The following ZC2HC1B variants were observed in gnomAD, a reference collection of about 807,000 sequenced individuals.
ZC2HC1B encodes zinc finger C2HC domain-containing protein 1B.
Under a neutral mutation model 31.0 loss-of-function variants are expected in ZC2HC1B, and 36 were observed. The ratio of observed to expected loss-of-function variants is 1.16; its 90% CI spans 0.89 to 1.54. The LOEUF (loss-of-function observed/expected upper bound fraction) is 1.54, where lower values mean the gene tolerates loss of function less well. ZC2HC1B is among the 40% of genes most tolerant of loss of function. The probability of loss-of-function intolerance (pLI) is 0.00; values close to 1 mark genes in which losing one functional copy is unlikely to be tolerated. For synonymous variants in ZC2HC1B, 73 were observed against 88.0 expected, an observed-to-expected ratio of 0.83 and a Z score of 0.95; for missense variants, 260 against 268.6, an observed-to-expected ratio of 0.97 and a Z score of 0.22.
chr6:143,930,450 G>A (rs187289014), intron 6 of ZC2HC1B, among the ~76,000 whole-genome samples: 3 of 143,030 alleles, frequency 2.1e-5, no homozygotes, highest in South Asian at 4.6e-4. Flanking sequence ...GCATTGGTGC[G>A]ATCTCAGCTC....
intron 6 of ZC2HC1B, among the ~76,000 whole-genome samples, chr6:143,920,440 T>A (rs976185786): frequency 6.6e-6 from 1 of 152,182 alleles, no homozygotes; most frequent in African/African-American, 2.4e-5. Flanking sequence ...GAATCAAAAG[T>A]CCTGTGTCCT....
chr6:143,894,545 T>C (rs1359170117), intron 4 of ZC2HC1B, among the ~76,000 whole-genome samples: 1 of 152,222 alleles, frequency 6.6e-6, no homozygotes, highest in East Asian at 1.9e-4. Context: ...TAAAATCATC[T>C]GAAAAATATG....
Position 143,899,846 on chromosome 6 carries a change from A to T in ZC2HC1B, c.489+1155A>T, listed in dbSNP as rs1777714447. ...AGAAACTGCGCTAGGTACTGGTTTGATCAAGAATTTGTCATTGAAAGATGG... is the reference window on the plus strand; with the variant it reads ...AGAAACTGCGCTAGGTACTGGTTTGTTCAAGAATTTGTCATTGAAAGATGG... On this transcript the variant is annotated intron_variant, in intron 5 of 7. Coordinates refer to ENST00000237275, the MANE Select transcript of ZC2HC1B (RefSeq NM_001013623.3). The surrounding 1 kb of genome is among the most constrained non-coding windows in gnomAD (Gnocchi z 5.0). 6.6e-6 allele frequency among the ~76,000 whole-genome samples: 1 copy of T among 152,180 alleles called. No individual in the cohort carries two copies. Among genetic ancestry groups the T allele is most frequent in the Non-Finnish European group, 1.5e-5 (1 of 68,026 alleles).
At chr6:143,890,509 G>T (rs1248251469) in intron 4 of ZC2HC1B, among the ~76,000 whole-genome samples, 1 of 151,280 alleles carries the variant, frequency 6.6e-6, no homozygotes, top group Admixed American at 6.6e-5. Flanking sequence ...GTGAAAAACT[G>T]AACACTTTCC....
At chr6:143,930,315 T>A (rs866823255) in intron 6 of ZC2HC1B, among the ~76,000 whole-genome samples, 1 of 151,992 alleles carries the variant, frequency 6.6e-6, no homozygotes, top group African/African-American at 2.4e-5. Context: ...TCTTTTGTCA[T>A]TGACCCAAAA....
rs935881968 is a variant in ZC2HC1B, at chr6:143,924,126, C to T, written c.599-13523C>T. On this transcript the variant is annotated intron_variant, in intron 6 of 7. Coordinates refer to ENST00000237275, the MANE Select transcript of ZC2HC1B (RefSeq NM_001013623.3). The surrounding 1 kb of genome is among the most constrained non-coding windows in gnomAD (Gnocchi z 5.2). ...TTGTGTCCTCTTAACATTCTTTCAT[C>T]AGTGTTTTGAAGTTTTCCTCGTAAG... 3.3e-5 allele frequency among the ~76,000 whole-genome samples: 5 copies of T among 151,978 alleles called. No individual in the cohort carries two copies. Among genetic ancestry groups the T allele is most frequent in the Admixed American group, 2.6e-4 (4 of 15,260 alleles).
rs369224871 is a variant in ZC2HC1B, at chr6:143,903,036, C to T, written c.490-8C>T. 4.8e-4 allele frequency: 737 copies of T among 1,551,464 alleles called. 1 individual carries two copies. The highest frequency in any genetic ancestry group is 6.1e-4 in the Non-Finnish European group (696 of 1,146,800). Reference sequence around the variant, plus strand: ...GTTCTCTTTGTCTCTTTCTTTCTCTCTCTGTAGGGTAGGGCTCAGATGGGT... The same window carrying T: ...GTTCTCTTTGTCTCTTTCTTTCTCTTTCTGTAGGGTAGGGCTCAGATGGGT... On this transcript the variant is annotated splice_polypyrimidine_tract_variant and splice_region_variant and intron_variant, in intron 5 of 7. Transcript: ENST00000237275. This position sits in a 1 kb window ranked among gnomAD's most constrained non-coding sequence, Gnocchi z 4.3.
Position 143,877,272 on chromosome 6 carries a change from CTTTTTTTTTTTTTT to C in ZC2HC1B, c.29-7018_29-7005del, listed in dbSNP as rs34994479. On this transcript the variant is annotated intron_variant, in intron 1 of 7. Coordinates refer to ENST00000237275, the MANE Select transcript of ZC2HC1B (RefSeq NM_001013623.3). ...TTTCTCCTAAAGATTTTTTTAATTT[CTTTTTTTTTTTTTT>C]TTTTTTTTTTTTTGAGACAGAGTTT... is the stretch of plus-strand genomic sequence containing the variant. 1.6e-4 allele frequency among the ~76,000 whole-genome samples: 7 copies of C among 42,578 alleles called. 1 individual carries two copies. The highest frequency in any genetic ancestry group is 3.6e-4 in the African/African-American group (3 of 8,300). 27.9% of individuals were successfully genotyped at this position (42,578 alleles called of 152,430 possible).
In ZC2HC1B at chr6:143,898,629, C is replaced by G; in HGVS notation, c.427C>G (p.Gln143Glu). The G allele has an allele frequency of 1.3e-6, 2 of 1,551,958 alleles. No individual in the cohort carries two copies. Among genetic ancestry groups the G allele is most frequent in the Non-Finnish European group, 1.7e-6 (2 of 1,147,050 alleles). Residue 143 changes from glutamine (Q) to glutamate (E), a missense_variant, in exon 5 of 8, where the codon CAG (glutamine) becomes GAG (glutamate). Gln to Glu is a conservative substitution (Grantham distance 29). Coordinates refer to ENST00000237275, the MANE Select transcript of ZC2HC1B (RefSeq NM_001013623.3). ...GCGACATACTAATTTCTGCAAGGAT[C>G]AGTCTTCTCGCCGAGTCTTTAATCC... is the stretch of plus-strand genomic sequence containing the variant. ...AERHTNFCKD[Q>E]SSRRVFNPAQ...
In ZC2HC1B at chr6:143,921,144, C is replaced by T. The variant is rs1422777826; in HGVS notation, c.599-16505C>T. On this transcript the variant is annotated intron_variant, in intron 6 of 7. Coordinates refer to ENST00000237275, the MANE Select transcript of ZC2HC1B (RefSeq NM_001013623.3). The surrounding 1 kb of genome is among the most constrained non-coding windows in gnomAD (Gnocchi z 6.1). ...CCTCTGCTGAAAACAAAAACACTCT[C>T]CCAGTAATCTGCACTGCTCACTCAT... 6.6e-6 allele frequency among the ~76,000 whole-genome samples: 1 copy of T among 152,180 alleles called. No homozygotes were observed. The highest frequency in any genetic ancestry group is 1.9e-4 in the East Asian group (1 of 5,192).
In ZC2HC1B at chr6:143,886,048, T is replaced by A. The variant is rs529929270; in HGVS notation, c.107T>A (p.Ile36Lys). The change falls in exon 3 of 8, where the codon ATA (isoleucine) becomes AAA (lysine). Residue 36 changes from isoleucine to lysine, a missense_variant. Transcript: ENST00000237275. The surrounding 1 kb of genome is among the most constrained non-coding windows in gnomAD (Gnocchi z 4.2). ...AADVLERHGP[I>K]CKKLFNRKRK... is the part of the protein sequence containing the mutation. ...GTTTTCTAGGAAAGGCATGGACCAATATGTAAGAAACTCTTCAACAGAAAG... is the reference window on the plus strand; with the variant it reads ...GTTTTCTAGGAAAGGCATGGACCAAAATGTAAGAAACTCTTCAACAGAAAG... 1 of 1,537,412 alleles carries A rather than the reference T, an allele frequency of 6.5e-7. No individual in the cohort carries two copies. The highest frequency in any genetic ancestry group is 8.7e-7 in the Non-Finnish European group (1 of 1,142,898).
At chr6:143,926,247 T>G (rs1778040874) in intron 6 of ZC2HC1B, among the ~76,000 whole-genome samples, 1 of 152,240 alleles carries the variant, frequency 6.6e-6, no homozygotes, top group African/African-American at 2.4e-5. Context: ...CTTCTTGATA[T>G]ACGCATTTAT....
intron 6 of ZC2HC1B, among the ~76,000 whole-genome samples, chr6:143,932,314 CAT>C (rs1275415683): frequency 6.6e-6 from 1 of 152,218 alleles, no homozygotes; most frequent in Non-Finnish European, 1.5e-5. Context: ...GGCTGTTTAA[CAT>C]AATCTCAAAC....
At position 143,895,763 on chromosome 6, in the gene ZC2HC1B, C is replaced by G. The variant is rs1217600645; in HGVS notation, c.350-2789C>G. 1.3e-5 allele frequency among the ~76,000 whole-genome samples: 2 copies of G among 152,182 alleles called. No homozygotes were observed. The highest frequency in any genetic ancestry group is 2.9e-5 in the Non-Finnish European group (2 of 68,030). Reference sequence around the variant, plus strand: ...GCATAGCTACATAGACACGGATACACAGCACAATATTGGCATTTTAAAATA... The same window carrying G: ...GCATAGCTACATAGACACGGATACAGAGCACAATATTGGCATTTTAAAATA... On this transcript the variant is annotated intron_variant, in intron 4 of 7. Transcript: ENST00000237275. This position sits in a 1 kb window ranked among gnomAD's most constrained non-coding sequence, Gnocchi z 4.8.
At position 143,883,365 on chromosome 6, in the gene ZC2HC1B, G is replaced by A. The variant is rs745901886; in HGVS notation, c.29-939G>A. ...ACCTGCAGCTTTTTCACTAAACTCC[G>A]CTCTTCTCCCACTATACTCGCAATC... On this transcript the variant is annotated intron_variant, in intron 1 of 7. Transcript: ENST00000237275. The surrounding 1 kb of genome is among the most constrained non-coding windows in gnomAD (Gnocchi z 4.1). Among the ~76,000 whole-genome samples the A allele has an allele frequency of 4.6e-5, 7 of 152,052 alleles. No individual in the cohort carries two copies. The highest frequency in any genetic ancestry group is 1.0e-4 in the Non-Finnish European group (7 of 68,010).
intron 4 of ZC2HC1B, among the ~76,000 whole-genome samples, chr6:143,891,582 A>G (rs567595813): frequency 6.6e-6 from 1 of 151,878 alleles, no homozygotes; most frequent in South Asian, 2.1e-4. Flanking sequence ...GGCATTTGTA[A>G]TCCCTGCTAC....
At position 143,915,155 on chromosome 6, in the gene ZC2HC1B, G is replaced by A. The variant is rs571523902; in HGVS notation, c.598+12003G>A. On this transcript the variant is annotated intron_variant, in intron 6 of 7. Transcript: ENST00000237275. The surrounding 1 kb of genome is among the most constrained non-coding windows in gnomAD (Gnocchi z 5.2). ...CACGTGTTGTGGGAGGGACCCAGTG[G>A]GAAGTAATTGAATCATGGGGGCAAG... Among the ~76,000 whole-genome samples the A allele has an allele frequency of 1.1e-3, 166 of 152,228 alleles. 2 individuals are homozygous for A. The highest frequency in any genetic ancestry group is 3.6e-3 in the African/African-American group (150 of 41,532).
chr6:143,866,159 C>T (rs1010053874), intron 1 of ZC2HC1B, among the ~76,000 whole-genome samples: 1 of 152,220 alleles, frequency 6.6e-6, no homozygotes, highest in African/African-American at 2.4e-5. Context: ...TGTAAAACCA[C>T]TTGGATATCA....
Position 143,922,112 on chromosome 6 carries a change from G to T in ZC2HC1B, c.599-15537G>T, listed in dbSNP as rs1417473122. Among the ~76,000 whole-genome samples, 1 of 152,182 alleles carries T rather than the reference G, an allele frequency of 6.6e-6. No individual in the cohort carries two copies. Among genetic ancestry groups the T allele is most frequent in the Non-Finnish European group, 1.5e-5 (1 of 68,038 alleles). On this transcript the variant is annotated intron_variant, in intron 6 of 7. Transcript: ENST00000237275. This position sits in a 1 kb window ranked among gnomAD's most constrained non-coding sequence, Gnocchi z 5.0. ...CTTTCGTTGATACAAACAAGCCCAT[G>T]CATTAGTTAGAATCTCACTTAGTGA...
Sources: allele counts gnomAD v4.1 joint callset (sites outside exome capture counted in the v4.1 genomes callset), GRCh38; gene constraint gnomAD v4.1.1; non-coding constraint Gnocchi (gnomAD v3.1); transcripts MANE v1.5; gene names NCBI Gene and HGNC (gene_info 2026-07-23, HGNC 2026-07-21).